Variants in WWC2 observed in about 807,000 individuals in gnomAD.
WWC2 encodes the protein protein WWC2.
A neutral mutation model predicts 138.5 loss-of-function variants in WWC2; 101 were observed. The ratio of observed to expected loss-of-function variants is 0.73; its 90% CI spans 0.62 to 0.86. WWC2 has a LOEUF of 0.86. WWC2 is among the 40% of genes least tolerant of loss of function. The pLI is 0.00. For missense variants in WWC2, 1,420 were observed against 1,419.4 expected (o/e 1.00, Z -0.01); for synonymous variants, 558 against 538.4 (o/e 1.04, Z -0.50).
intron 16 of WWC2, among the ~76,000 whole-genome samples, chr4:183,277,447 G>A (rs1737898648): frequency 6.6e-6 from 1 of 150,932 alleles, no homozygotes; most frequent in Admixed American, 6.6e-5. Flanking sequence ...ACATACGTGT[G>A]CATGTGTCTT....
rs772302316 is a variant in WWC2 at position 183,319,464 on chromosome 4, A to G, written c.*3735A>G. On this transcript the variant is annotated 3_prime_UTR_variant, in exon 23 of 23. Coordinates refer to ENST00000403733, the MANE Select transcript of WWC2 (RefSeq NM_024949.6). ...AGGAAAAGATGCATTTTCAAAAATC[A>G]AAAGCACAGTGAGATGACTAGAGCG... 3 of 1,327,898 alleles carry G rather than the reference A, an allele frequency of 2.3e-6. No individual in the cohort carries two copies. The highest frequency in any genetic ancestry group is 3.1e-6 in the Non-Finnish European group (3 of 966,466). The allele number at this position is 1,327,898 out of a possible 1,614,324, so 82.3% of individuals were successfully genotyped here.
chr4:183,164,013 A>G (rs541607049), intron 1 of WWC2, among the ~76,000 whole-genome samples: 46 of 152,098 alleles, frequency 3.0e-4, no homozygotes, highest in African/African-American at 5.1e-4. Context: ...GATTGACTCA[A>G]TTTAACAAAA....
Position 183,265,714 on chromosome 4 carries a change from A to G in WWC2, c.2066A>G (p.Tyr689Cys). ...CCTAGTGAAATGGAAGATGTCACAT[A>G]CAGTGAAGAGGATGTAGCCATTGTA... is the stretch of plus-strand genomic sequence containing the variant. ...KQPSEMEDVTYSEEDVAIVET... is the reference protein window; with the variant it reads ...KQPSEMEDVTCSEEDVAIVET... The change falls in exon 13 of 23, where the codon TAC becomes TGC. Residue 689 changes from tyrosine (Y) to cysteine (C), a missense_variant. Transcript: ENST00000403733. 1 of 1,611,836 alleles carries G rather than the reference A, an allele frequency of 6.2e-7. No individual in the cohort carries two copies. Among genetic ancestry groups the G allele is most frequent in the Non-Finnish European group, 8.5e-7 (1 of 1,179,042 alleles).
At position 183,099,305 on chromosome 4, in the gene WWC2, G is replaced by T; in HGVS notation, c.-187G>T. 1 of 413,504 alleles carries T rather than the reference G, an allele frequency of 2.4e-6. No individual in the cohort carries two copies. The highest frequency in any genetic ancestry group is 3.6e-6 in the Non-Finnish European group (1 of 278,476). 25.6% of individuals were successfully genotyped at this position (413,504 alleles called of 1,614,324 possible). On this transcript the variant is annotated 5_prime_UTR_variant, in exon 1 of 23. Transcript: ENST00000403733. ...CAGACATGGTGGACTGATCCGCAGC[G>T]GGGCCGCGAACAGCGTTTCCTGAGG...
chr4:183,300,241 C>A (rs961807050), intron 21 of WWC2, among the ~76,000 whole-genome samples: 16 of 152,084 alleles, frequency 1.1e-4, no homozygotes, highest in Non-Finnish European at 1.6e-4. Context: ...CCTCGTAAGC[C>A]CGGCATCTTA....
At chr4:183,183,731 C>T (rs1006659886) in intron 1 of WWC2, among the ~76,000 whole-genome samples, 9 of 149,630 alleles carry the variant, frequency 6.0e-5, no homozygotes, top group African/African-American at 2.0e-4. Context: ...TGAGCTGAGC[C>T]GTGATCGTCC....
intron 14 of WWC2, among the ~76,000 whole-genome samples, chr4:183,268,401 C>CAGAATTTGG (rs1487473200): frequency 1.3e-5 from 2 of 152,178 alleles, no homozygotes; most frequent in Non-Finnish European, 2.9e-5. Context: ...TGTCGTATCT[C>CAGAATTTGG]AGAATTTGGA....
rs761622924 is a variant in WWC2, at chr4:183,282,676, AC to A, written c.2685-30del. The A allele has an allele frequency of 6.4e-5, 99 of 1,551,348 alleles. 1 individual carries two copies. The highest frequency in any genetic ancestry group is 2.2e-4 in the East Asian group (9 of 41,066). On this transcript the variant is annotated intron_variant, in intron 17 of 22. Coordinates refer to ENST00000403733, the MANE Select transcript of WWC2 (RefSeq NM_024949.6). Reference sequence around the variant, plus strand: ...GCGTGTTCATGGAGCATGCCTGCCTACCAAAAGTGTTTTGTTTTTGTTTTAC... The same window carrying A: ...GCGTGTTCATGGAGCATGCCTGCCTACAAAAGTGTTTTGTTTTTGTTTTAC...
At chr4:183,201,845 C>T (rs1169180837) in intron 2 of WWC2, among the ~76,000 whole-genome samples, 1 of 152,126 alleles carries the variant, frequency 6.6e-6, no homozygotes, top group African/African-American at 2.4e-5. Flanking sequence ...TAGTGGCCAG[C>T]CCCATGGCCC....
At chr4:183,267,757 C>A (rs921486555) in intron 14 of WWC2, among the ~76,000 whole-genome samples, 1 of 152,176 alleles carries the variant, frequency 6.6e-6, no homozygotes, top group Non-Finnish European at 1.5e-5. Context: ...CTTCGGCTCC[C>A]CAGCTAATGT....
chr4:183,195,762 C>T (rs1735124174), intron 2 of WWC2, among the ~76,000 whole-genome samples: 3 of 152,166 alleles, frequency 2.0e-5, no homozygotes, highest in Admixed American at 2.0e-4. Flanking sequence ...CCTTCACAGC[C>T]AGACTTGCTG....
At chr4:183,115,769 T>C (rs1277983325) in intron 1 of WWC2, among the ~76,000 whole-genome samples, 4 of 152,224 alleles carry the variant, frequency 2.6e-5, no homozygotes, top group African/African-American at 9.6e-5. Flanking sequence ...ATGCATAGTT[T>C]GCATATATTT....
chr4:183,300,227 C>CA (rs1393590179), intron 21 of WWC2, among the ~76,000 whole-genome samples: 1 of 152,148 alleles, frequency 6.6e-6, no homozygotes, highest in African/African-American at 2.4e-5. Context: ...AAGTGGCTCC[C>CA]AGGCCTCGTA....
intron 4 of WWC2, among the ~76,000 whole-genome samples, chr4:183,237,970 A>G (rs997757463): frequency 1.3e-5 from 2 of 151,074 alleles, no homozygotes; most frequent in African/African-American, 4.9e-5. Context: ...GCTCTCGAAC[A>G]CTCTTCTCTT....
chr4:183,257,877 A>G (rs112047598), intron 9 of WWC2, among the ~76,000 whole-genome samples: 2,441 of 152,276 alleles, frequency 0.016, 34 homozygotes, highest in Middle Eastern at 0.058. Context: ...TGATGTCTGC[A>G]TTCTGGGATT....
At chr4:183,136,934 G>T (rs1054594268) in intron 1 of WWC2, among the ~76,000 whole-genome samples, 1 of 151,914 alleles carries the variant, frequency 6.6e-6, no homozygotes, top group African/African-American at 2.4e-5. Context: ...TTCCTCCTAG[G>T]TTACAAATCA....
Position 183,245,455 on chromosome 4 carries a change from A to C in WWC2, c.642A>C (p.Glu214Asp). 6.2e-7 allele frequency: 1 copy of C among 1,602,424 alleles called. No homozygotes were observed. Among genetic ancestry groups the C allele is most frequent in the Non-Finnish European group, 8.5e-7 (1 of 1,176,080 alleles). Residue 214 changes from glutamate (E) to aspartate (D), a missense_variant, in exon 6 of 23, where the codon GAA becomes GAC. By Grantham distance (45) the Glu-to-Asp change is conservative. Transcript: ENST00000403733. ...TGTCTGGAGGCCAGAGCGGGTATGA[A>C]CTCAGTGAAGCCAAAGCCATTCTAA... is the stretch of plus-strand genomic sequence containing the variant. ...KKMSGGQSGYELSEAKAILTE... is the reference protein window; with the variant it reads ...KKMSGGQSGYDLSEAKAILTE...
chr4:183,122,533 T>G (rs1030455066), intron 1 of WWC2, among the ~76,000 whole-genome samples: 1 of 152,154 alleles, frequency 6.6e-6, no homozygotes. Context: ...TTTATTTTAT[T>G]TTTTTTGTGA....
chr4:183,188,490 A>T (rs6552654), intron 1 of WWC2, among the ~76,000 whole-genome samples: 6 of 152,242 alleles, frequency 3.9e-5, no homozygotes, highest in African/African-American at 1.4e-4. Context: ...TGCCTGTCTC[A>T]GCATCCCAAA....
Sources: gnomAD v4.1 joint callset for allele counts (sites outside exome capture counted in the v4.1 genomes callset) on GRCh38, gnomAD v4.1.1 for gene constraint, MANE v1.5 for transcripts, NCBI Gene and HGNC (gene_info 2026-07-23, HGNC 2026-07-21) for gene names.